THNSL1: variants seen among roughly 807,000 people sequenced by gnomAD.
THNSL1 encodes the protein threonine synthase like 1.
In THNSL1, 48 loss-of-function variants were observed where a neutral mutation model predicts 50.4. That is an observed-to-expected ratio of 0.95 (90% CI 0.76 to 1.21). THNSL1 has a LOEUF of 1.21. Ranked by LOEUF, THNSL1 falls within the 50% of genes most tolerant of loss-of-function variation. The probability of loss-of-function intolerance (pLI) is 0.00; values close to 1 mark genes in which losing one functional copy is unlikely to be tolerated. For missense variants in THNSL1, 896 were observed against 871.7 expected, an observed-to-expected ratio of 1.03 and a Z score of -0.35; for synonymous variants, 309 against 306.1, an observed-to-expected ratio of 1.01 and a Z score of -0.10.
chr10:24,967,803 A>G, the THNSL1 span, among the ~76,000 whole-genome samples: 1 of 150,572 alleles, frequency 6.6e-6, no homozygotes, highest in East Asian at 2.0e-4. Context: ...TGTGTGTATG[A>G]TGTGTGTATA....
the THNSL1 span, among the ~76,000 whole-genome samples, chr10:24,972,287 C>A: frequency 1.3e-5 from 2 of 151,558 alleles, no homozygotes. Context: ...GCAGGCGGAT[C>A]ACCTGAGGTC....
chr10:24,984,921 A>G, the THNSL1 span: 1 of 1,604,272 alleles, frequency 6.2e-7, no homozygotes, highest in Non-Finnish European at 8.5e-7. Flanking sequence ...AATGGTCAAG[A>G]AACTTGTAAA....
rs201614269 is a variant in THNSL1, at chr10:25,023,656, C to G, written c.433C>G (p.Leu145Val). The G allele has an allele frequency of 6.2e-7, 1 of 1,614,084 alleles. No homozygotes were observed. Among genetic ancestry groups the G allele is most frequent in the East Asian group, 2.2e-5 (1 of 44,870 alleles). Residue 145 changes from leucine to valine, a missense_variant, in exon 3 of 3, where the codon CTG becomes GTG. Coordinates refer to ENST00000376356, the MANE Select transcript of THNSL1 (RefSeq NM_024838.5). ...AATGCATGATGCTAGCATGTGGCAT[C>G]TGAAGAAAAATGGAATAATTGTATA... ...NPMHDASMWH[L>V]KKNGIIVYLD... is the part of the protein sequence containing the mutation.
the THNSL1 span, among the ~76,000 whole-genome samples, chr10:25,008,194 G>A: frequency 1.3e-5 from 2 of 151,950 alleles, no homozygotes; most frequent in Non-Finnish European, 1.5e-5. Flanking sequence ...ATAATACTAA[G>A]AGACCATATA....
At chr10:24,970,234 A>AT in the THNSL1 span, among the ~76,000 whole-genome samples, 1 of 152,156 alleles carries the variant, frequency 6.6e-6, no homozygotes, top group Non-Finnish European at 1.5e-5. Context: ...CATAGGAACA[A>AT]TTTTTTTTCC....
chr10:24,997,343 C>T, the THNSL1 span, among the ~76,000 whole-genome samples: 4 of 151,430 alleles, frequency 2.6e-5, no homozygotes, highest in Admixed American at 6.6e-5. Context: ...CTCATTGGAC[C>T]GAGTTTTTAA....
the THNSL1 span, among the ~76,000 whole-genome samples, chr10:25,006,043 A>G: frequency 6.6e-6 from 1 of 152,338 alleles, no homozygotes; most frequent in African/African-American, 2.4e-5. Context: ...CGTTATTTCT[A>G]CTTTTTAAAA....
At chr10:24,996,709 A>C in the THNSL1 span, among the ~76,000 whole-genome samples, 26 of 152,306 alleles carry the variant, frequency 1.7e-4, no homozygotes, top group African/African-American at 5.8e-4. Context: ...TTTCTGCATC[A>C]TTTGACCTTT....
the THNSL1 span, among the ~76,000 whole-genome samples, chr10:25,007,815 T>C: frequency 6.6e-6 from 1 of 152,038 alleles, no homozygotes; most frequent in African/African-American, 2.4e-5. Flanking sequence ...CAATGTTCCT[T>C]GCTGAAAAAA....
At chr10:24,962,193 T>C in the THNSL1 span, among the ~76,000 whole-genome samples, 2 of 152,246 alleles carry the variant, frequency 1.3e-5, no homozygotes, top group African/African-American at 4.8e-5. Flanking sequence ...ATTTATGTCT[T>C]GCGTTATCAA....
Position 25,025,263 on chromosome 10 carries a change from G to C in THNSL1, c.2040G>C (p.Lys680Asn). 6.2e-7 allele frequency: 1 copy of C among 1,614,166 alleles called. No individual in the cohort carries two copies. Among genetic ancestry groups the C allele is most frequent in the East Asian group, 2.2e-5 (1 of 44,880 alleles). The change falls in exon 3 of 3, where the codon AAG becomes AAC. Residue 680 changes from lysine to asparagine, a missense_variant. Coordinates refer to ENST00000376356, the MANE Select transcript of THNSL1 (RefSeq NM_024838.5). ...KFAPAIMQALKIKEINETSSS... is the reference protein window; with the variant it reads ...KFAPAIMQALNIKEINETSSS... Reference sequence around the variant, plus strand: ...CACCTGCTATCATGCAGGCTTTAAAGATTAAAGAAATCAATGAGACTTCAT... The same window carrying C: ...CACCTGCTATCATGCAGGCTTTAAACATTAAAGAAATCAATGAGACTTCAT...
At chr10:24,984,064 A>G in the THNSL1 span, 6 of 318,500 alleles carry the variant, frequency 1.9e-5, no homozygotes, top group African/African-American at 1.3e-4. Context: ...GGTATGCTAG[A>G]AAGGAGGCTA....
chr10:24,973,391 G>A, the THNSL1 span, among the ~76,000 whole-genome samples: 6 of 150,752 alleles, frequency 4.0e-5, no homozygotes, highest in Non-Finnish European at 8.9e-5. Context: ...GACAATTCAG[G>A]TCCAGGTGGG....
At chr10:25,019,710 T>G (rs557139142) in intron 1 of THNSL1, among the ~76,000 whole-genome samples, 1 of 152,236 alleles carries the variant, frequency 6.6e-6, no homozygotes, top group Non-Finnish European at 1.5e-5. Flanking sequence ...TATTAACTGC[T>G]AATTATCCAA....
chr10:24,988,367 T>C, the THNSL1 span, among the ~76,000 whole-genome samples: 1 of 143,418 alleles, frequency 7.0e-6, no homozygotes, highest in Non-Finnish European at 1.5e-5. Context: ...TGTATATATA[T>C]TTATATATGT....
the THNSL1 span, chr10:24,990,647 G>A: frequency 2.5e-6 from 4 of 1,571,162 alleles, no homozygotes; most frequent in Non-Finnish European, 3.4e-6. Flanking sequence ...TCAATATTTT[G>A]TATGCAATCT....
the THNSL1 span, among the ~76,000 whole-genome samples, chr10:25,009,454 A>G: frequency 6.6e-6 from 1 of 152,248 alleles, no homozygotes; most frequent in Non-Finnish European, 1.5e-5. Context: ...TATTTTAGAC[A>G]TAATAATTTG....
At chr10:24,955,201 G>T in the THNSL1 span, among the ~76,000 whole-genome samples, 3 of 152,106 alleles carry the variant, frequency 2.0e-5, no homozygotes, top group East Asian at 5.8e-4. Flanking sequence ...ATCAGATCTT[G>T]TGAGAACTCA....
the THNSL1 span, among the ~76,000 whole-genome samples, chr10:24,990,934 T>C: frequency 6.6e-6 from 1 of 152,156 alleles, no homozygotes; most frequent in Non-Finnish European, 1.5e-5. Context: ...ACCCCGTCTC[T>C]ACTAAAAATA....
Sources: allele counts gnomAD v4.1 joint callset (sites outside exome capture counted in the v4.1 genomes callset), GRCh38; gene constraint gnomAD v4.1.1; transcripts MANE v1.5; gene names NCBI Gene and HGNC (gene_info 2026-07-23, HGNC 2026-07-21).